The following SETBP1 variants were observed in gnomAD, a reference collection of about 807,000 sequenced individuals.
The protein encoded by SETBP1 is SET binding protein 1.
A neutral mutation model predicts 101.0 loss-of-function variants in SETBP1; 9 were observed. That is an observed-to-expected ratio of 0.09 (90% CI 0.05 to 0.16). The LOEUF (loss-of-function observed/expected upper bound fraction) is 0.16, where lower values mean the gene tolerates loss of function less well. Among genes scored for constraint, SETBP1 ranks in the 10% least tolerant of loss-of-function variants. The probability of loss-of-function intolerance (pLI) is 1.00; values close to 1 mark genes in which losing one functional copy is unlikely to be tolerated. For missense variants in SETBP1, 1,858 were observed against 2,033.8 expected (o/e 0.91, Z 1.66); for synonymous variants, 818 against 788.5 (o/e 1.04, Z -0.63).
chr18:45,055,234 GA>G (rs1399366271), intron 5 of SETBP1, among the ~76,000 whole-genome samples: 1 of 152,058 alleles, frequency 6.6e-6, no homozygotes, highest in Non-Finnish European at 1.5e-5. Flanking sequence ...GGAGTTTTTT[GA>G]AAAAGAAAGG....
intron 3 of SETBP1, among the ~76,000 whole-genome samples, chr18:44,928,941 C>T (rs2070763436): frequency 6.6e-6 from 1 of 152,098 alleles, no homozygotes; most frequent in Admixed American, 6.6e-5. Flanking sequence ...TTAATTAGAT[C>T]CCATTTGTCA....
At chr18:45,000,827 C>T (rs2145331470) in intron 4 of SETBP1, among the ~76,000 whole-genome samples, 1 of 151,900 alleles carries the variant, frequency 6.6e-6, no homozygotes, top group East Asian at 1.9e-4. Flanking sequence ...CACACACACT[C>T]CTAGGAAGCT....
At chr18:44,778,808 G>A (rs370468411) in intron 2 of SETBP1, among the ~76,000 whole-genome samples, 3 of 152,208 alleles carry the variant, frequency 2.0e-5, no homozygotes, top group African/African-American at 7.2e-5. Flanking sequence ...CAAGGGCTGG[G>A]GCAGACCAGG....
At chr18:44,972,760 C>T (rs181534884) in intron 4 of SETBP1, among the ~76,000 whole-genome samples, 3 of 152,306 alleles carry the variant, frequency 2.0e-5, no homozygotes, top group Admixed American at 2.0e-4. Context: ...TGCCTATCAG[C>T]TTAAGGAGAT....
chr18:44,811,866 A>C (rs573376096), intron 2 of SETBP1, among the ~76,000 whole-genome samples: 2 of 152,194 alleles, frequency 1.3e-5, no homozygotes, highest in African/African-American at 2.4e-5. Context: ...GTTGGTCTCA[A>C]TGCTGACACT....
intron 2 of SETBP1, among the ~76,000 whole-genome samples, chr18:44,783,171 T>C (rs2071170256): frequency 2.0e-5 from 3 of 152,226 alleles, no homozygotes; most frequent in Non-Finnish European, 4.4e-5. Context: ...AATTGCTCCA[T>C]GAACTCAAGG....
At chr18:44,869,107 C>T (rs1445001224) in intron 2 of SETBP1, 123 bp from the exon 3 acceptor site, 2 of 858,292 alleles carry the variant, frequency 2.3e-6, no homozygotes, top group South Asian at 1.4e-5. Flanking sequence ...CATTTGCCTT[C>T]TGCGATCCCA....
At chr18:44,864,275 C>T (rs574427302) in intron 2 of SETBP1, among the ~76,000 whole-genome samples, 82 of 152,074 alleles carry the variant, frequency 5.4e-4, no homozygotes, top group African/African-American at 1.7e-3. Flanking sequence ...GGGTGGGAGA[C>T]GCAAAGAGAG....
At position 44,807,873 on chromosome 18, in the gene SETBP1, G is replaced by A. The variant is rs1023336188; in HGVS notation, c.487-61357G>A. On this transcript the variant is annotated intron_variant, in intron 2 of 5. Coordinates refer to ENST00000649279, the MANE Select transcript of SETBP1 (RefSeq NM_015559.3). ...TGATGGCAGCTTCAGGGTGGGGGAA[G>A]TGACAAGCTGGACATGTGGGCTGGG... 3.3e-5 allele frequency among the ~76,000 whole-genome samples: 5 copies of A among 152,170 alleles called. No individual in the cohort carries two copies. In the East Asian group the frequency reaches 7.7e-4, roughly 23 times the overall value.
At chr18:45,062,095 A>C (rs2073899273) in intron 5 of SETBP1, among the ~76,000 whole-genome samples, 1 of 152,228 alleles carries the variant, frequency 6.6e-6, no homozygotes, top group Non-Finnish European at 1.5e-5. Context: ...AGGAGAAAGA[A>C]TGATCTGCAG....
At chr18:44,775,816 G>A (rs950718795) in intron 2 of SETBP1, among the ~76,000 whole-genome samples, 3 of 151,860 alleles carry the variant, frequency 2.0e-5, no homozygotes, top group Non-Finnish European at 2.9e-5. Context: ...CTTAAGGGCC[G>A]TCTCACTCAT....
intron 3 of SETBP1, among the ~76,000 whole-genome samples, chr18:44,947,989 C>T (rs192233776): frequency 7.8e-4 from 118 of 152,208 alleles, no homozygotes; most frequent in African/African-American, 2.6e-3. Context: ...CTAGCAATGC[C>T]CTGATTCATA....
intron 3 of SETBP1, chr18:44,870,424 T>C (rs2069246421): frequency 6.6e-6 from 1 of 152,198 alleles, no homozygotes; most frequent in South Asian, 2.1e-4. Context: ...AAGGGCCCTG[T>C]TGGTGAGAAT....
intron 4 of SETBP1, among the ~76,000 whole-genome samples, chr18:44,985,868 A>G (rs2072220041): frequency 6.6e-6 from 1 of 152,220 alleles, no homozygotes; most frequent in African/African-American, 2.4e-5. Flanking sequence ...CTAATGTAAG[A>G]CTTTTTGATT....
At chr18:44,685,603 C>T (rs1201617790) in intron 1 of SETBP1, among the ~76,000 whole-genome samples, 1 of 152,170 alleles carries the variant, frequency 6.6e-6, no homozygotes, top group Non-Finnish European at 1.5e-5. Flanking sequence ...GCCTCCGGAA[C>T]CTAATCAGTA....
chr18:44,845,538 G>A (rs1360602052), intron 2 of SETBP1, among the ~76,000 whole-genome samples: 2 of 152,220 alleles, frequency 1.3e-5, no homozygotes, highest in African/African-American at 4.8e-5. Flanking sequence ...TTTGCACAGT[G>A]CACTGAATTC....
intron 4 of SETBP1, among the ~76,000 whole-genome samples, chr18:45,033,245 G>T (rs1248361806): frequency 1.3e-5 from 2 of 152,184 alleles, no homozygotes; most frequent in Non-Finnish European, 2.9e-5. Flanking sequence ...TTACCCAAAA[G>T]TCTACTTGTT....
At chr18:44,953,891 AT>A (rs1222260080) in intron 4 of SETBP1, among the ~76,000 whole-genome samples, 2 of 151,888 alleles carry the variant, frequency 1.3e-5, no homozygotes, top group Non-Finnish European at 2.9e-5. Flanking sequence ...TATTGTTTCC[AT>A]TTTTTTTCCA....
At chr18:44,782,825 G>C (rs1274862935) in intron 2 of SETBP1, among the ~76,000 whole-genome samples, 1 of 152,194 alleles carries the variant, frequency 6.6e-6, no homozygotes. Context: ...GGCAGAGGAA[G>C]ACAGCATGCC....
Sources: gnomAD v4.1 joint callset for allele counts (sites outside exome capture counted in the v4.1 genomes callset) on GRCh38, gnomAD v4.1.1 for gene constraint, MANE v1.5 for transcripts, NCBI Gene and HGNC (gene_info 2026-07-23, HGNC 2026-07-21) for gene names.